ERBB4: variants seen among roughly 807,000 people sequenced by gnomAD.
ERBB4 encodes the protein receptor tyrosine-protein kinase erbB-4.
In ERBB4, 42 loss-of-function variants were observed where a neutral mutation model predicts 158.0. The observed-to-expected ratio is 0.27, with a 90% CI of 0.21 to 0.34. ERBB4 has a LOEUF of 0.34. Ranked by LOEUF, ERBB4 falls within the 10% of genes least tolerant of loss-of-function variation. ERBB4 has a pLI of 1.00. For missense variants in ERBB4, 1,333 were observed against 1,624.1 expected (o/e 0.82, Z 3.08); for synonymous variants, 583 against 558.7 (o/e 1.04, Z -0.61).
At chr2:211,389,562 ATATT>A (rs1169175582) in intron 25 of ERBB4, among the ~76,000 whole-genome samples, 3 of 152,190 alleles carry the variant, frequency 2.0e-5, no homozygotes, top group East Asian at 3.9e-4. Flanking sequence ...TGGTATTAGA[ATATT>A]TATCTATTTT....
intron 2 of ERBB4, among the ~76,000 whole-genome samples, chr2:212,089,174 C>T (rs2078701588): frequency 1.3e-5 from 2 of 152,024 alleles, no homozygotes; most frequent in Admixed American, 6.6e-5. Context: ...CATTTTGTAT[C>T]AATTAAAATA....
intron 3 of ERBB4, among the ~76,000 whole-genome samples, chr2:211,838,453 C>T (rs1559561386): frequency 6.6e-6 from 1 of 152,106 alleles, no homozygotes; most frequent in African/African-American, 2.4e-5. Context: ...CCACTTATTA[C>T]TTAGTTTATA....
chr2:211,907,040 T>A (rs2079413241), intron 3 of ERBB4, among the ~76,000 whole-genome samples: 1 of 151,706 alleles, frequency 6.6e-6, no homozygotes, highest in Non-Finnish European at 1.5e-5. Flanking sequence ...TTCCAGCCAC[T>A]AAATGTCTAA....
intron 6 of ERBB4, among the ~76,000 whole-genome samples, chr2:211,724,611 T>A (rs1411224094): frequency 6.6e-6 from 1 of 152,116 alleles, no homozygotes; most frequent in Non-Finnish European, 1.5e-5. Context: ...TAACAAACTA[T>A]TTATAAATCT....
intron 5 of ERBB4, among the ~76,000 whole-genome samples, chr2:211,743,262 T>C (rs1423999327): frequency 1.3e-5 from 2 of 152,196 alleles, no homozygotes. Context: ...TTCACAATTA[T>C]GATGACTTTA....
Position 211,713,617 on chromosome 2 carries a change from C to T in ERBB4, c.915G>A (p.Val305=), listed in dbSNP as rs781470325. Residue 305 remains valine (V), a synonymous_variant, in exon 8 of 28, where the codon GTG becomes GTA. Transcript: ENST00000342788. ...CCATCTTGGAACTAGGGCAGGCACG[C>T]ACACAAGAACTGGAATCTACCACAA... ...HNFVVDSSSC[V]RACPSSKMEV... is the part of the protein sequence containing the mutation. 6.2e-7 allele frequency: 1 copy of T among 1,605,976 alleles called. No individual in the cohort carries two copies. Among genetic ancestry groups the T allele is most frequent in the South Asian group, 1.1e-5 (1 of 90,846 alleles).
In ERBB4 at chr2:211,951,421, C is replaced by A. The variant is rs531347910; in HGVS notation, c.235-3805G>T. Among the ~76,000 whole-genome samples the A allele has an allele frequency of 2.0e-5, 3 of 152,058 alleles. No individual in the cohort carries two copies. The East Asian group carries it at 5.8e-4, about 29-fold the overall frequency. Reference sequence around the variant, plus strand: ...TCTAGAATGTGTGATAGGTATGAACCAAGAAAAATGCTGAACACATAAAGA... The same window carrying A: ...TCTAGAATGTGTGATAGGTATGAACAAAGAAAAATGCTGAACACATAAAGA... On this transcript the variant is annotated intron_variant, in intron 2 of 27. Coordinates refer to ENST00000342788, the MANE Select transcript of ERBB4 (RefSeq NM_005235.3).
intron 1 of ERBB4, among the ~76,000 whole-genome samples, chr2:212,132,491 G>A (rs185238064): frequency 1.5e-4 from 23 of 152,268 alleles, no homozygotes; most frequent in African/African-American, 5.5e-4. Context: ...TATCCAATCT[G>A]TTGCAGTGCA....
At chr2:211,533,524 C>A (rs965355357) in intron 20 of ERBB4, among the ~76,000 whole-genome samples, 1 of 151,980 alleles carries the variant, frequency 6.6e-6, no homozygotes, top group Non-Finnish European at 1.5e-5. Context: ...TGTTTGAACA[C>A]AGATTTGAGT....
At chr2:211,944,206 A>ATAG (rs1553517918) in intron 3 of ERBB4, among the ~76,000 whole-genome samples, 6,910 of 103,920 alleles carry the variant, frequency 0.066, 516 homozygotes, top group Middle Eastern at 0.08. Context: ...TATACTATAT[A>ATAG]TATATATACA....
chr2:212,305,703 T>C (rs924957850), intron 1 of ERBB4, among the ~76,000 whole-genome samples: 6 of 151,332 alleles, frequency 4.0e-5, no homozygotes, highest in Non-Finnish European at 7.4e-5. Flanking sequence ...ACAAAATAAC[T>C]ACATGGCAAC....
At chr2:212,436,789 C>T (rs1212600767) in intron 1 of ERBB4, among the ~76,000 whole-genome samples, 1 of 152,040 alleles carries the variant, frequency 6.6e-6, no homozygotes, top group Non-Finnish European at 1.5e-5. Context: ...CCGAACCTTT[C>T]TCAAACCAAA....
chr2:211,622,765 C>G (rs2069653377), intron 18 of ERBB4, among the ~76,000 whole-genome samples: 1 of 150,232 alleles, frequency 6.7e-6, no homozygotes, highest in Non-Finnish European at 1.5e-5. Context: ...GAGTTCGAGA[C>G]CAGCCTGGCC....
intron 3 of ERBB4, among the ~76,000 whole-genome samples, chr2:211,882,213 A>T (rs532998073): frequency 1.0e-3 from 154 of 152,246 alleles, no homozygotes; most frequent in African/African-American, 3.6e-3. Context: ...ATAATAAAAA[A>T]ATAAGAGTAG....
At chr2:211,620,260 A>G (rs1426126661) in intron 18 of ERBB4, among the ~76,000 whole-genome samples, 1 of 152,214 alleles carries the variant, frequency 6.6e-6, no homozygotes, top group African/African-American at 2.4e-5. Context: ...CCCTGACATC[A>G]GAAAATATTT....
At chr2:211,458,543 G>C (rs532226032) in intron 20 of ERBB4, among the ~76,000 whole-genome samples, 6 of 152,254 alleles carry the variant, frequency 3.9e-5, no homozygotes, top group Non-Finnish European at 8.8e-5. Flanking sequence ...GGGATTACAG[G>C]CGCGATCCAC....
rs182875645 is a variant in ERBB4, at chr2:212,473,279, T to G, written c.82+65170A>C. On this transcript the variant is annotated intron_variant, in intron 1 of 27. Coordinates refer to ENST00000342788, the MANE Select transcript of ERBB4 (RefSeq NM_005235.3). The stretch of plus-strand genomic sequence containing the variant: ...TCTTACTGAATATATTGATAATCAC[T>G]GCAATGGGAAAATAAGATGACTACT... Among the ~76,000 whole-genome samples, 11 of 152,174 alleles carry G rather than the reference T, an allele frequency of 7.2e-5. No individual in the cohort carries two copies. The East Asian group carries it at 1.9e-3, about 27-fold the overall frequency.
chr2:212,380,090 C>T (rs1382256653), intron 1 of ERBB4, among the ~76,000 whole-genome samples: 1 of 151,022 alleles, frequency 6.6e-6, no homozygotes, highest in African/African-American at 2.4e-5. Context: ...TATTTTTCTG[C>T]TACTCTGCTG....
intron 3 of ERBB4, among the ~76,000 whole-genome samples, chr2:211,810,104 T>G (rs978447072): frequency 1.3e-5 from 2 of 152,208 alleles, no homozygotes; most frequent in Admixed American, 6.5e-5. Flanking sequence ...AGTGCTTTAC[T>G]TCCAACTATG....
Sources: allele counts gnomAD v4.1 joint callset (sites outside exome capture counted in the v4.1 genomes callset), GRCh38; gene constraint gnomAD v4.1.1; transcripts MANE v1.5; gene names NCBI Gene and HGNC (gene_info 2026-07-23, HGNC 2026-07-21).